Variants in MSI1 observed in about 807,000 individuals in gnomAD.
MSI1 encodes musashi RNA binding protein 1, also known as RNA-binding protein Musashi homolog 1.
A neutral mutation model predicts 54.4 loss-of-function variants in MSI1; 15 were observed. The ratio of observed to expected loss-of-function variants is 0.28; its 90% CI spans 0.18 to 0.42. MSI1 has a LOEUF of 0.42. MSI1 is among the 20% of genes least tolerant of loss of function. The pLI is 1.00. For missense variants in MSI1, 304 were observed against 506.0 expected, an observed-to-expected ratio of 0.60 and a Z score of 3.83; for synonymous variants, 200 against 196.5, an observed-to-expected ratio of 1.02 and a Z score of -0.15.
chr12:120,349,296 A>G (rs1047637270), intron 11 of MSI1, among the ~76,000 whole-genome samples: 4 of 151,632 alleles, frequency 2.6e-5, no homozygotes, highest in African/African-American at 9.7e-5. Context: ...ATGGGGTTTC[A>G]CCATGTTGGC....
chr12:120,351,769 C>A (rs1214107301), intron 10 of MSI1, among the ~76,000 whole-genome samples: 21 of 147,422 alleles, frequency 1.4e-4, no homozygotes, highest in Non-Finnish European at 2.4e-4. Context: ...AGTGCAGTGG[C>A]GCGATCTCGG....
At chr12:120,345,540 C>T (rs796644925) in intron 14 of MSI1, 30 bp downstream of exon 14, 2 of 1,607,764 alleles carry the variant, frequency 1.2e-6, no homozygotes, top group African/African-American at 1.3e-5. Context: ...CCAGTGCCAC[C>T]CCACCACCTG....
chr12:120,363,449 C>T (rs1262434876), intron 5 of MSI1, among the ~76,000 whole-genome samples: 12 of 152,118 alleles, frequency 7.9e-5, no homozygotes, highest in Admixed American at 7.9e-4. Context: ...GACCCACAGC[C>T]TAACACTAAG....
intron 6 of MSI1, among the ~76,000 whole-genome samples, chr12:120,360,614 T>A (rs554542235): frequency 6.6e-6 from 1 of 152,290 alleles, no homozygotes; most frequent in East Asian, 1.9e-4. Flanking sequence ...ACCCCTCACT[T>A]AACCAATGAA....
rs1027555968 is a variant in MSI1 at position 120,368,932 on chromosome 12, G to T, written c.60-59C>A. The T allele has an allele frequency of 3.8e-6, 5 of 1,310,938 alleles. No individual in the cohort carries two copies. In the African/African-American group the frequency reaches 6.2e-5, roughly 16 times the overall value. 81.2% of individuals were successfully genotyped at this position (1,310,938 alleles called of 1,614,324 possible). ...TGAGCGCCGGGCGCCAGGGCGCAGG[G>T]GGCGCGGGCCCGGGCTCCGGGGAGG... On this transcript the variant is annotated intron_variant, in intron 1 of 14. Coordinates refer to ENST00000257552, the MANE Select transcript of MSI1 (RefSeq NM_002442.4). The surrounding 1 kb of genome is among the most constrained non-coding windows in gnomAD (Gnocchi z 6.6).
chr12:120,353,134 G>C (rs11065091), intron 10 of MSI1, among the ~76,000 whole-genome samples, 165 bp downstream of exon 10: 31,140 of 151,684 alleles, frequency 0.21, 3,776 homozygotes, highest in African/African-American at 0.34. Flanking sequence ...GAGGGGTTTG[G>C]GGGGGATGGG....
rs745620240 is a variant in MSI1 at position 120,368,173 on chromosome 12, G to A, written c.182+19C>T. 3 of 1,578,966 alleles carry A rather than the reference G, an allele frequency of 1.9e-6. No individual in the cohort carries two copies. The highest frequency in any genetic ancestry group is 4.6e-5 in the East Asian group (2 of 43,140). On this transcript the variant is annotated intron_variant, in intron 3 of 14. Coordinates refer to ENST00000257552, the MANE Select transcript of MSI1 (RefSeq NM_002442.4). The surrounding 1 kb of genome is among the most constrained non-coding windows in gnomAD (Gnocchi z 6.6). ...GAGGGGGGCGAGCCGGGAGCAGGAG[G>A]AGGGGGTGAGGGGCTCACCTGGATC...
intron 12 of MSI1, among the ~76,000 whole-genome samples, chr12:120,347,095 G>A (rs1011613671): frequency 5.3e-5 from 8 of 152,012 alleles, no homozygotes; most frequent in South Asian, 2.1e-4. Flanking sequence ...GATTACAGGC[G>A]CGCACCACCA....
rs772260417 is a variant in MSI1 at position 120,347,480 on chromosome 12, C to T, written c.825G>A (p.Ala275=). The change falls in exon 12 of 15, where the codon GCG becomes GCA. Residue 275 remains alanine (A), a synonymous_variant. Coordinates refer to ENST00000257552, the MANE Select transcript of MSI1 (RefSeq NM_002442.4). ...GAACCACAGCCGCTGCCGCCGCTGC[C>T]GCCGCCATTGGTCCGTAGGCAGTGA... ...IPLTAYGPMA[A]AAAAAAVVRG... is the part of the protein sequence containing the mutation. 33 of 1,614,130 alleles carry T rather than the reference C, an allele frequency of 2.0e-5. No homozygotes were observed. Among genetic ancestry groups the T allele is most frequent in the East Asian group, 1.6e-4 (7 of 44,876 alleles).
intron 4 of MSI1, among the ~76,000 whole-genome samples, chr12:120,366,964 C>A (rs1266295576): frequency 6.6e-6 from 1 of 152,210 alleles, no homozygotes; most frequent in Non-Finnish European, 1.5e-5. Flanking sequence ...GCCACTGTCT[C>A]TCCATTTCCA....
At chr12:120,362,965 G>T in intron 6 of MSI1, 78 bp downstream of exon 6, 1 of 1,218,016 alleles carries the variant, frequency 8.2e-7, no homozygotes, top group Non-Finnish European at 1.2e-6. Context: ...GAATGACCTG[G>T]CTGGATTCGG....
At chr12:120,366,516 C>T (rs1876027224) in intron 4 of MSI1, among the ~76,000 whole-genome samples, 1 of 152,154 alleles carries the variant, frequency 6.6e-6, no homozygotes, top group Admixed American at 6.5e-5. Context: ...ACACAGTCCC[C>T]CTACACAGAC....
intron 6 of MSI1, among the ~76,000 whole-genome samples, chr12:120,359,748 C>T (rs1038701609): frequency 2.6e-5 from 4 of 152,124 alleles, no homozygotes; most frequent in Non-Finnish European, 5.9e-5. Context: ...TGCCACCTTC[C>T]ATTTGCCTGC....
chr12:120,340,963 G>A (rs576351052), downstream of MSI1, among the ~76,000 whole-genome samples: 9 of 135,676 alleles, frequency 6.6e-5, no homozygotes, highest in South Asian at 1.9e-3. Flanking sequence ...TCAGCTCACC[G>A]CAGCCTCCAG....
intron 6 of MSI1, among the ~76,000 whole-genome samples, chr12:120,362,350 C>G (rs890947041): frequency 3.3e-5 from 5 of 152,190 alleles, no homozygotes; most frequent in African/African-American, 1.2e-4. Flanking sequence ...AAACGTAGGA[C>G]CCTCTCTGCC....
chr12:120,356,531 A>T (rs1447219267), intron 9 of MSI1, among the ~76,000 whole-genome samples: 1 of 152,230 alleles, frequency 6.6e-6, no homozygotes, highest in Non-Finnish European at 1.5e-5. Context: ...TTGTAAAGAA[A>T]GTCATTGTTG....
intron 12 of MSI1, among the ~76,000 whole-genome samples, chr12:120,346,668 C>G (rs1874151794): frequency 6.6e-6 from 1 of 152,164 alleles, no homozygotes; most frequent in Non-Finnish European, 1.5e-5. Context: ...TTCTCCACTC[C>G]CCACTTCCGC....
At chr12:120,367,873 G>T in intron 4 of MSI1, 135 bp downstream of exon 4, 5 of 831,976 alleles carry the variant, frequency 6.0e-6, no homozygotes, top group Non-Finnish European at 5.6e-6. Flanking sequence ...TTCAGAGCAT[G>T]GCAGCCCTCT....
intron 10 of MSI1, among the ~76,000 whole-genome samples, chr12:120,352,585 C>T (rs1874717439): frequency 6.6e-6 from 1 of 151,952 alleles, no homozygotes; most frequent in Non-Finnish European, 1.5e-5. Flanking sequence ...GAGAATTAGG[C>T]AACGTCCCGT....
Sources: gnomAD v4.1 joint callset for allele counts (sites outside exome capture counted in the v4.1 genomes callset) on GRCh38, gnomAD v4.1.1 for gene constraint, Gnocchi (gnomAD v3.1) non-coding constraint, MANE v1.5 for transcripts, NCBI Gene and HGNC (gene_info 2026-07-23, HGNC 2026-07-21) for gene names.